Variants in SFMBT2 observed in about 807,000 individuals in gnomAD.
SFMBT2 encodes the protein scm-like with four MBT domains protein 2.
A neutral mutation model predicts 110.1 loss-of-function variants in SFMBT2; 38 were observed. That is an observed-to-expected ratio of 0.35 (90% CI 0.27 to 0.45). The LOEUF (loss-of-function observed/expected upper bound fraction) is 0.45, where lower values mean the gene tolerates loss of function less well. Among genes scored for constraint, SFMBT2 ranks in the 20% least tolerant of loss-of-function variants. The probability of loss-of-function intolerance (pLI) is 1.00; values close to 1 mark genes in which losing one functional copy is unlikely to be tolerated. For synonymous variants in SFMBT2, 425 were observed against 425.4 expected, an observed-to-expected ratio of 1.00 and a Z score of 0.01; for missense variants, 1,011 against 1,094.9, an observed-to-expected ratio of 0.92 and a Z score of 1.08.
At chr10:7,202,619 A>C (rs1838994673) in intron 12 of SFMBT2, 97 bp from the exon 13 acceptor site, 2 of 1,593,210 alleles carry the variant, frequency 1.3e-6, no homozygotes, top group Admixed American at 3.5e-5. Flanking sequence ...TACCCATTTT[A>C]AAGTAGCAAT....
chr10:7,171,657 T>C lies in SFMBT2; in HGVS notation c.2415+238A>G. 1.2e-6 allele frequency: 1 copy of C among 853,422 alleles called. No individual in the cohort carries two copies. The highest frequency in any genetic ancestry group is 1.4e-6 in the Non-Finnish European group (1 of 709,706). 52.9% of individuals were successfully genotyped at this position (853,422 alleles called of 1,614,324 possible). On this transcript the variant is annotated intron_variant, in intron 19 of 20. Transcript: ENST00000397167. This position sits in a 1 kb window ranked among gnomAD's most constrained non-coding sequence, Gnocchi z 4.9. ...CTCCTGACAAGAACCCAGGTGGCAC[T>C]AAAGCCGTCCAGGAAAGAGGCGCTG...
chr10:7,188,582 G>T, intron 16 of SFMBT2, 42 bp downstream of exon 16: 1 of 1,476,744 alleles, frequency 6.8e-7, no homozygotes, highest in Non-Finnish European at 9.4e-7. Flanking sequence ...GCATGGGGAA[G>T]TATTACAAAA....
intron 2 of SFMBT2, among the ~76,000 whole-genome samples, chr10:7,372,767 AT>A (rs1845096992): frequency 6.6e-6 from 1 of 152,236 alleles, no homozygotes; most frequent in South Asian, 2.1e-4. Context: ...GCTCAGCACT[AT>A]TGCTCTGCCC....
In SFMBT2 at chr10:7,205,864, GC is replaced by G; in HGVS notation, c.1394del (p.Gly465AlafsTer10). ...DVESMDIFPV[G>X]WCEANSYPLT... ...AAGGATAAGAATTGGCTTCACACCAGCCCACTGGGAAGATGTCCATGGATTC... is the reference window on the plus strand; with the variant it reads ...AAGGATAAGAATTGGCTTCACACCAGCCACTGGGAAGATGTCCATGGATTC... On this transcript the variant is annotated frameshift_variant, in exon 12 of 21. Coordinates refer to ENST00000397167, the MANE Select transcript of SFMBT2 (RefSeq NM_001387889.1). LOFTEE classifies it high-confidence loss of function. 6.2e-7 allele frequency: 1 copy of G among 1,614,130 alleles called. No individual in the cohort carries two copies. The highest frequency in any genetic ancestry group is 8.5e-7 in the Non-Finnish European group (1 of 1,180,002).
intron 11 of SFMBT2, among the ~76,000 whole-genome samples, chr10:7,210,192 C>T (rs1028326866): frequency 2.0e-5 from 3 of 152,238 alleles, no homozygotes; most frequent in African/African-American, 7.2e-5. Context: ...TCCACCCAGC[C>T]GATGACACAG....
chr10:7,284,010 T>C lies in SFMBT2; in HGVS notation c.666A>G (p.Gly222=). ...VGGRLRLRYV[G]LEDTESYDQW... is the part of the protein sequence containing the mutation. ...GGTCATAGGATTCAGTGTCCTCCAA[T>C]CCCACATAGCGAAGGCGTAATCTTC... Residue 222 remains glycine, a synonymous_variant, in exon 6 of 21, where the codon GGA becomes GGG. Coordinates refer to ENST00000397167, the MANE Select transcript of SFMBT2 (RefSeq NM_001387889.1). 1 of 1,613,678 alleles carries C rather than the reference T, an allele frequency of 6.2e-7. No individual in the cohort carries two copies. Among genetic ancestry groups the C allele is most frequent in the South Asian group, 1.1e-5 (1 of 91,080 alleles).
At chr10:7,211,796 C>G (rs1839358341) in intron 11 of SFMBT2, among the ~76,000 whole-genome samples, 3 of 152,194 alleles carry the variant, frequency 2.0e-5, no homozygotes, top group Admixed American at 6.5e-5. Flanking sequence ...TTGCAAGTAT[C>G]TCCAAAATGC....
intron 4 of SFMBT2, among the ~76,000 whole-genome samples, chr10:7,319,304 G>T (rs184119340): frequency 1.3e-5 from 2 of 152,196 alleles, no homozygotes; most frequent in Non-Finnish European, 2.9e-5. Context: ...ATTCCCCGGC[G>T]TTCTGCAAAA....
At chr10:7,303,722 T>G (rs1842618418) in intron 4 of SFMBT2, among the ~76,000 whole-genome samples, 1 of 152,192 alleles carries the variant, frequency 6.6e-6, no homozygotes, top group South Asian at 2.1e-4. Context: ...CCACTCCTCA[T>G]CAAAATTCTT....
chr10:7,366,053 T>C (rs556283540), intron 4 of SFMBT2, among the ~76,000 whole-genome samples: 44 of 152,240 alleles, frequency 2.9e-4, no homozygotes, highest in African/African-American at 4.1e-4. Context: ...GTGGTGCAGA[T>C]AGGGTGTGAC....
chr10:7,201,591 T>C (rs1838960385), intron 13 of SFMBT2, among the ~76,000 whole-genome samples: 1 of 152,220 alleles, frequency 6.6e-6, no homozygotes, highest in Admixed American at 6.5e-5. Flanking sequence ...AATTTCATCT[T>C]ATTTAAATTT....
intron 6 of SFMBT2, among the ~76,000 whole-genome samples, chr10:7,280,369 A>T (rs1488471548): frequency 6.6e-6 from 1 of 151,916 alleles, no homozygotes; most frequent in East Asian, 1.9e-4. Context: ...TCCAAGATCT[A>T]AAACAAGCAC....
chr10:7,400,858 C>T (rs1159675478), intron 1 of SFMBT2, among the ~76,000 whole-genome samples: 1 of 152,172 alleles, frequency 6.6e-6, no homozygotes, highest in African/African-American at 2.4e-5. Flanking sequence ...CCCGGCCAGG[C>T]GCGGTGGTTC....
chr10:7,349,053 G>A (rs964161520), intron 4 of SFMBT2, among the ~76,000 whole-genome samples: 5 of 152,100 alleles, frequency 3.3e-5, no homozygotes, highest in Admixed American at 6.5e-5. Context: ...CTCTGACTCC[G>A]CTTTCCTTCT....
intron 4 of SFMBT2, among the ~76,000 whole-genome samples, chr10:7,355,486 C>G (rs1413681311): frequency 3.3e-5 from 5 of 152,114 alleles, no homozygotes; most frequent in African/African-American, 1.2e-4. Flanking sequence ...TATGTGAGAA[C>G]AGTGTGAATT....
At chr10:7,165,998 C>T (rs1342780358) in intron 20 of SFMBT2, among the ~76,000 whole-genome samples, 3 of 152,190 alleles carry the variant, frequency 2.0e-5, no homozygotes, top group Admixed American at 2.0e-4. Flanking sequence ...ACCAAGAGGG[C>T]ATGGGTGTAG....
intron 4 of SFMBT2, among the ~76,000 whole-genome samples, chr10:7,311,770 T>G (rs1470855852): frequency 6.6e-6 from 1 of 152,236 alleles, no homozygotes; most frequent in Non-Finnish European, 1.5e-5. Flanking sequence ...TAAATACACT[T>G]GTCACAGCCC....
chr10:7,179,369 T>A (rs1228454263), intron 16 of SFMBT2, among the ~76,000 whole-genome samples: 3 of 145,756 alleles, frequency 2.1e-5, no homozygotes, highest in African/African-American at 5.2e-5. Flanking sequence ...CGGTTCTTGC[T>A]TATTGCTTTT....
rs1408484072 is a variant in SFMBT2, at chr10:7,163,376, G to C, written c.*394C>G. The C allele has an allele frequency of 5.8e-6, 1 of 171,322 alleles. No homozygotes were observed. The highest frequency in any genetic ancestry group is 1.5e-4 in the South Asian group (1 of 6,466). 10.6% of individuals were successfully genotyped at this position (171,322 alleles called of 1,614,324 possible). On this transcript the variant is annotated 3_prime_UTR_variant, in exon 21 of 21. Coordinates refer to ENST00000397167, the MANE Select transcript of SFMBT2 (RefSeq NM_001387889.1). The surrounding 1 kb of genome is among the most constrained non-coding windows in gnomAD (Gnocchi z 4.8). ...TATAAATGTGCTCGTGTGATTACAG[G>C]AAACACTACAGCATGGCGTGAGGTT...
Sources: allele counts gnomAD v4.1 joint callset (sites outside exome capture counted in the v4.1 genomes callset), GRCh38; gene constraint gnomAD v4.1.1; non-coding constraint Gnocchi (gnomAD v3.1); transcripts MANE v1.5; gene names NCBI Gene and HGNC (gene_info 2026-07-23, HGNC 2026-07-21).